The following TEX15 variants were observed in gnomAD, a reference collection of about 807,000 sequenced individuals.
TEX15 encodes the protein testis-expressed protein 15.
A neutral mutation model predicts 237.3 loss-of-function variants in TEX15; 171 were observed. The observed-to-expected ratio is 0.72, with a 90% CI of 0.64 to 0.82. The LOEUF is 0.82. TEX15 is among the 40% of genes least tolerant of loss of function. The probability of loss-of-function intolerance (pLI) is 0.00; values close to 1 mark genes in which losing one functional copy is unlikely to be tolerated. For synonymous variants in TEX15, 1,338 were observed against 1,269.8 expected (o/e 1.05, Z -1.14); for missense variants, 3,750 against 3,646.5 (o/e 1.03, Z -0.73).
chr8:30,849,330 A>G lies in TEX15; in HGVS notation c.851-14T>C. The stretch of plus-strand genomic sequence containing the variant: ...AGCATGTCCTTTCTGTGGAAATAAT[A>G]AGGAAGACAAATTTGAAAAAAAGTG... On this transcript the variant is annotated splice_polypyrimidine_tract_variant and intron_variant, in intron 7 of 10. Coordinates refer to ENST00000643185, the MANE Select transcript of TEX15 (RefSeq NM_001350162.2). 1 of 1,457,896 alleles carries G rather than the reference A, an allele frequency of 6.9e-7. No homozygotes were observed. 90.3% of individuals were successfully genotyped at this position (1,457,896 alleles called of 1,614,324 possible).
Position 30,852,060 on chromosome 8 carries a change from C to G in TEX15, c.851-2744G>C, listed in dbSNP as rs571225566. ...ACTTATAAAATACTTAACATGGATGCCAGGTCCTGTTTTAAGTGCCTTATG... is the reference window on the plus strand; with the variant it reads ...ACTTATAAAATACTTAACATGGATGGCAGGTCCTGTTTTAAGTGCCTTATG... On this transcript the variant is annotated intron_variant, in intron 7 of 10. Coordinates refer to ENST00000643185, the MANE Select transcript of TEX15 (RefSeq NM_001350162.2). Among the ~76,000 whole-genome samples, 93 of 151,064 alleles carry G rather than the reference C, an allele frequency of 6.2e-4. 1 individual carries two copies. Among genetic ancestry groups the G allele is most frequent in the African/African-American group, 2.0e-3 (83 of 41,010 alleles).
intron 8 of TEX15, among the ~76,000 whole-genome samples, chr8:30,841,440 C>T (rs1017830718): frequency 1.3e-5 from 2 of 152,122 alleles, no homozygotes; most frequent in Non-Finnish European, 2.9e-5. Flanking sequence ...ATAGGAAATA[C>T]ATCATAAGGG....
intron 4 of TEX15, among the ~76,000 whole-genome samples, chr8:30,873,053 G>C (rs1457391522): frequency 1.3e-5 from 2 of 152,038 alleles, no homozygotes; most frequent in Non-Finnish European, 1.5e-5. Flanking sequence ...TCCACTCTAC[G>C]ATGTTTACAC....
chr8:30,858,741 A>T lies in TEX15; in HGVS notation c.777T>A (p.Leu259=). 1 of 1,535,826 alleles carries T rather than the reference A, an allele frequency of 6.5e-7. No homozygotes were observed. Among genetic ancestry groups the T allele is most frequent in the Non-Finnish European group, 8.7e-7 (1 of 1,146,688 alleles). The change falls in exon 7 of 11, where the codon CTT becomes CTA. Residue 259 remains leucine (L), a synonymous_variant. Transcript: ENST00000643185. ...GGCGTCCATTATCTACTTTTGAACC[A>T]AGAAATTTTACTGTTACTACAGCAT... is the stretch of plus-strand genomic sequence containing the variant. The part of the protein sequence containing the change: ...LPYAVVTVKF[L]GSKVDNGRLM...
At chr8:30,865,184 T>G (rs944227351) in intron 5 of TEX15, among the ~76,000 whole-genome samples, 1 of 152,088 alleles carries the variant, frequency 6.6e-6, no homozygotes, top group African/African-American at 2.4e-5. Context: ...GAGACTAGTA[T>G]GATAACTATA....
At position 30,839,761 on chromosome 8, in the gene TEX15, T is replaced by C. The variant is rs1295059376; in HGVS notation, c.8222+145A>G. 2 of 469,354 alleles carry C rather than the reference T, an allele frequency of 4.3e-6. 1 individual carries two copies. The highest frequency in any genetic ancestry group is 4.0e-5 in the African/African-American group (2 of 49,668). The allele number at this position is 469,354 out of a possible 1,614,324, so 29.1% of individuals were successfully genotyped here. On this transcript the variant is annotated intron_variant, in intron 9 of 10. Transcript: ENST00000643185. ...AGAAACTGTATAATTTCAAACAAAT[T>C]TCTTTTTCCTTAGCTTACTCTCATC...
chr8:30,890,388 G>GA (rs1808772237), intron 2 of TEX15: 1 of 152,202 alleles, frequency 6.6e-6, no homozygotes, highest in African/African-American at 2.4e-5. Flanking sequence ...TAAATCAGTA[G>GA]AAATTCAATA....
intron 5 of TEX15, among the ~76,000 whole-genome samples, chr8:30,864,414 C>T (rs1477634394): frequency 1.3e-5 from 2 of 150,738 alleles, no homozygotes; most frequent in East Asian, 3.9e-4. Flanking sequence ...GAAATGAAGG[C>T]TGAAAACTTC....
At chr8:30,856,317 G>T (rs1468171204) in intron 7 of TEX15, among the ~76,000 whole-genome samples, 1 of 151,934 alleles carries the variant, frequency 6.6e-6, no homozygotes, top group African/African-American at 2.4e-5. Context: ...ACTTCTGGAG[G>T]CTGAGGCAGG....
intron 2 of TEX15, among the ~76,000 whole-genome samples, chr8:30,889,954 C>CATATATATATATATATATACATATAT: frequency 7.9e-4 from 87 of 110,042 alleles, no homozygotes; most frequent in African/African-American, 2.7e-3. Flanking sequence ...TATATATATA[C>CATATATATATATATATATACATATAT]ATATATATAT....
At chr8:30,889,954 C>CATATATATATATATATATACGTAT in intron 2 of TEX15, among the ~76,000 whole-genome samples, 2 of 110,088 alleles carry the variant, frequency 1.8e-5, no homozygotes, top group African/African-American at 4.5e-5. Flanking sequence ...TATATATATA[C>CATATATATATATATATATACGTAT]ATATATATAT....
chr8:30,837,226 G>T lies in TEX15; in HGVS notation c.9058C>A (p.Pro3020Thr). The change falls in exon 10 of 11, where the codon CCA becomes ACA. Residue 3020 changes from proline (P) to threonine (T), a missense_variant. Coordinates refer to ENST00000643185, the MANE Select transcript of TEX15 (RefSeq NM_001350162.2). ...TATGTTGGGTTACATGCAGACTGTG[G>T]AAGTTCATTCCAATATGTGGCAGCA... Reference protein sequence around the residue: ...QNAATYWNELPQSACNPTYNS... With the variant: ...QNAATYWNELTQSACNPTYNS... The T allele has an allele frequency of 6.2e-7, 1 of 1,614,140 alleles. No homozygotes were observed. The highest frequency in any genetic ancestry group is 1.1e-5 in the South Asian group (1 of 91,086).
chr8:30,847,025 C>G lies in TEX15; in HGVS notation c.3142G>C (p.Glu1048Gln). 1.2e-6 allele frequency: 2 copies of G among 1,612,642 alleles called. No individual in the cohort carries two copies. Among genetic ancestry groups the G allele is most frequent in the Non-Finnish European group, 1.7e-6 (2 of 1,178,980 alleles). Residue 1048 changes from glutamate (E) to glutamine (Q), a missense_variant, in exon 8 of 11, where the codon GAG (glutamate) becomes CAG (glutamine). Coordinates refer to ENST00000643185, the MANE Select transcript of TEX15 (RefSeq NM_001350162.2). ...TCAATGCTCTGAAGAACTAAGTTCT[C>G]ATTTATTGATTGATGAAATGATTCT... ...SQESFHQSIN[E>Q]NLVLQSIELE...
chr8:30,846,932 G>C lies in TEX15; in HGVS notation c.3235C>G (p.His1079Asp). The C allele has an allele frequency of 6.2e-7, 1 of 1,613,660 alleles. No homozygotes were observed. The highest frequency in any genetic ancestry group is 8.5e-7 in the Non-Finnish European group (1 of 1,179,680). Residue 1079 changes from histidine to aspartate, a missense_variant, in exon 8 of 11, where the codon CAT becomes GAT. Physicochemically the swap from His to Asp is moderately conservative, Grantham distance 81 (BLOSUM62 -1). Transcript: ENST00000643185. Reference protein sequence around the residue: ...DDAFIFQQDTHSHENMLCEEF... With the variant: ...DDAFIFQQDTDSHENMLCEEF... ...TCACAAAGCATGTTTTCATGGCTAT[G>C]TGTATCTTGTTGAAATATAAAAGCA...
chr8:30,864,565 C>T (rs1247920460), intron 5 of TEX15, among the ~76,000 whole-genome samples: 1 of 142,054 alleles, frequency 7.0e-6, no homozygotes, highest in South Asian at 2.3e-4. Flanking sequence ...CTGTAGCCAG[C>T]AAACTATCCT....
At chr8:30,841,755 ATG>A (rs1232488865) in intron 8 of TEX15, among the ~76,000 whole-genome samples, 1 of 152,170 alleles carries the variant, frequency 6.6e-6, no homozygotes, top group Non-Finnish European at 1.5e-5. Context: ...CTTCCAAAAA[ATG>A]TTTTCTAAGT....
intron 5 of TEX15, 94 bp from the exon 6 acceptor site, chr8:30,860,151 T>C (rs1808014191): frequency 8.7e-7 from 1 of 1,144,154 alleles, no homozygotes; most frequent in Non-Finnish European, 1.2e-6. Context: ...AACATTGCTT[T>C]GTTTTTCTGA....
chr8:30,908,274 G>C (rs143410241), intron 1 of TEX15, among the ~76,000 whole-genome samples: 3 of 152,038 alleles, frequency 2.0e-5, no homozygotes, highest in African/African-American at 7.2e-5. Context: ...TGCCAAGGGT[G>C]GTCTCCGACT....
chr8:30,900,274 C>A (rs1032499882), intron 1 of TEX15, among the ~76,000 whole-genome samples: 84 of 152,088 alleles, frequency 5.5e-4, no homozygotes, highest in African/African-American at 2.0e-3. Context: ...TAATCAGGGA[C>A]AAATATAACC....
Sources: allele counts gnomAD v4.1 joint callset (sites outside exome capture counted in the v4.1 genomes callset), GRCh38; gene constraint gnomAD v4.1.1; transcripts MANE v1.5; gene names NCBI Gene and HGNC (gene_info 2026-07-23, HGNC 2026-07-21).